Variants in NRG3 observed in about 807,000 individuals in gnomAD.
The protein encoded by NRG3 is neuregulin 3.
In NRG3, 31 loss-of-function variants were observed where a neutral mutation model predicts 66.9. The ratio of observed to expected loss-of-function variants is 0.46; its 90% CI spans 0.35 to 0.63. The LOEUF is 0.63. NRG3 is among the 20% of genes least tolerant of loss of function. NRG3 has a pLI of 0.00. For synonymous variants in NRG3, 393 were observed against 359.4 expected, an observed-to-expected ratio of 1.09 and a Z score of -1.06; for missense variants, 910 against 878.9, an observed-to-expected ratio of 1.04 and a Z score of -0.45.
chr10:82,039,268 G>C (rs1243545002), intron 1 of NRG3, among the ~76,000 whole-genome samples: 1 of 152,020 alleles, frequency 6.6e-6, no homozygotes, highest in East Asian at 1.9e-4. Flanking sequence ...ACTTCCATTA[G>C]AAAATAATGA....
intron 1 of NRG3, among the ~76,000 whole-genome samples, chr10:82,195,592 G>A (rs187685174): frequency 1.3e-5 from 2 of 152,244 alleles, no homozygotes; most frequent in Admixed American, 1.3e-4. Context: ...AATATGGTGG[G>A]AGGATAATAT....
chr10:82,617,555 A>G (rs2048751475), intron 2 of NRG3, among the ~76,000 whole-genome samples: 1 of 152,206 alleles, frequency 6.6e-6, no homozygotes, highest in Non-Finnish European at 1.5e-5. Context: ...TGTGTAAAAT[A>G]GGCTCCTCTT....
intron 4 of NRG3, among the ~76,000 whole-genome samples, chr10:82,922,047 A>AT (rs1328268790): frequency 6.6e-6 from 1 of 151,960 alleles, no homozygotes; most frequent in Non-Finnish European, 1.5e-5. Flanking sequence ...TCATTAATTT[A>AT]TTTTTTCATT....
rs1218961082 is a variant in NRG3, at chr10:82,615,868, TC to T, written c.954-122708del. Among the ~76,000 whole-genome samples the T allele has an allele frequency of 2.6e-5, 4 of 152,230 alleles. No homozygotes were observed. In the East Asian group the frequency reaches 7.7e-4, roughly 29 times the overall value. On this transcript the variant is annotated intron_variant, in intron 2 of 8. Transcript: ENST00000372141. The stretch of plus-strand genomic sequence containing the variant: ...TTAAAACAGACAAGCACACGATAAT[TC>T]ATGGATGCTGATTACCTGACCTTTT...
chr10:82,544,701 T>C (rs1031724832), intron 2 of NRG3, among the ~76,000 whole-genome samples: 1 of 152,166 alleles, frequency 6.6e-6, no homozygotes, highest in Non-Finnish European at 1.5e-5. Flanking sequence ...AGCTGATCTG[T>C]ACACATACTT....
chr10:82,839,214 C>G (rs567768826), intron 3 of NRG3, among the ~76,000 whole-genome samples: 3 of 152,240 alleles, frequency 2.0e-5, no homozygotes, highest in Admixed American at 6.5e-5. Context: ...TTTGTCAAAT[C>G]TATGATATGC....
chr10:82,396,275 A>C (rs1246725003), intron 2 of NRG3, among the ~76,000 whole-genome samples: 1 of 152,074 alleles, frequency 6.6e-6, no homozygotes, highest in Non-Finnish European at 1.5e-5. Flanking sequence ...CCATATTTAT[A>C]TCAATAACTT....
intron 2 of NRG3, among the ~76,000 whole-genome samples, chr10:82,593,665 T>A (rs913921098): frequency 1.4e-4 from 22 of 152,144 alleles, no homozygotes; most frequent in Admixed American, 7.2e-4. Context: ...TGATCCATTA[T>A]GATCTCTGTT....
chr10:82,639,135 CCTGCTGTATAACAAAATTA>C (rs1262005644), intron 2 of NRG3, among the ~76,000 whole-genome samples: 1 of 152,122 alleles, frequency 6.6e-6, no homozygotes, highest in East Asian at 1.9e-4. Flanking sequence ...TCTTAATCTT[CCTGCTGTATAACAAAATTA>C]CTTAAACTGG....
At chr10:81,977,910 T>G (rs1371257883) in intron 1 of NRG3, among the ~76,000 whole-genome samples, 1 of 152,208 alleles carries the variant, frequency 6.6e-6, no homozygotes, top group African/African-American at 2.4e-5. Flanking sequence ...TATTTATACC[T>G]AATAATTGTA....
intron 1 of NRG3, among the ~76,000 whole-genome samples, chr10:81,987,376 T>C (rs6584440): frequency 0.46 from 69,895 of 152,188 alleles, 20,248 homozygotes; most frequent in African/African-American, 0.78. Context: ...TGAGCCACCA[T>C]GCCTGGCCTA....
intron 2 of NRG3, among the ~76,000 whole-genome samples, chr10:82,706,464 G>A (rs1008148715): frequency 3.3e-5 from 5 of 152,178 alleles, no homozygotes; most frequent in African/African-American, 4.8e-5. Flanking sequence ...CATAGGCAAC[G>A]TTAAAGCCTC....
At chr10:82,227,157 C>A (rs1589386063) in intron 1 of NRG3, among the ~76,000 whole-genome samples, 1 of 152,256 alleles carries the variant, frequency 6.6e-6, no homozygotes, top group African/African-American at 2.4e-5. Flanking sequence ...CCACCCACTG[C>A]AGCTTGTACT....
At chr10:82,499,006 G>A (rs552348840) in intron 2 of NRG3, among the ~76,000 whole-genome samples, 1 of 152,020 alleles carries the variant, frequency 6.6e-6, no homozygotes, top group African/African-American at 2.4e-5. Context: ...GACCAAGAAA[G>A]GTGGAAACAT....
chr10:82,675,723 A>G lies in NRG3; in HGVS notation c.954-62854A>G, dbSNP rs116600131. Among the ~76,000 whole-genome samples the G allele has an allele frequency of 7.5e-3, 1,146 of 152,338 alleles. 12 individuals are homozygous for G. Among genetic ancestry groups the G allele is most frequent in the African/African-American group, 0.026 (1,092 of 41,572 alleles). ...GCTAGCTTGGCTTAAGCAGCCAAGG[A>G]ATAATTAAAAGCAGTTTGAAGGCTC... On this transcript the variant is annotated intron_variant, in intron 2 of 8. Coordinates refer to ENST00000372141, the MANE Select transcript of NRG3 (RefSeq NM_001010848.4).
chr10:82,349,649 C>T (rs982094063), intron 1 of NRG3, among the ~76,000 whole-genome samples: 3 of 151,506 alleles, frequency 2.0e-5, no homozygotes, highest in East Asian at 3.9e-4. Flanking sequence ...CAATGGCGGG[C>T]GCCCCTCCCC....
At chr10:81,969,524 A>C (rs1361297057) in intron 1 of NRG3, among the ~76,000 whole-genome samples, 1 of 152,186 alleles carries the variant, frequency 6.6e-6, no homozygotes, top group Non-Finnish European at 1.5e-5. Flanking sequence ...GTCTGAGCTG[A>C]CATTTCATTT....
chr10:82,023,065 T>C (rs1464322551), intron 1 of NRG3, among the ~76,000 whole-genome samples: 4 of 151,798 alleles, frequency 2.6e-5, no homozygotes, highest in Non-Finnish European at 5.9e-5. Flanking sequence ...TTATGTTCTC[T>C]TCCAGCTATT....
chr10:82,102,525 G>C (rs1014939173), intron 1 of NRG3, among the ~76,000 whole-genome samples: 11 of 149,898 alleles, frequency 7.3e-5, no homozygotes, highest in Non-Finnish European at 1.3e-4. Context: ...CTCCATTTTT[G>C]TTCCAGTGTT....
Sources: gnomAD v4.1 joint callset for allele counts (sites outside exome capture counted in the v4.1 genomes callset) on GRCh38, gnomAD v4.1.1 for gene constraint, MANE v1.5 for transcripts, NCBI Gene and HGNC (gene_info 2026-07-23, HGNC 2026-07-21) for gene names.